MND1: variants seen among roughly 807,000 people sequenced by gnomAD.
The protein encoded by MND1 is meiotic nuclear division protein 1 homolog.
Under a neutral mutation model 35.1 loss-of-function variants are expected in MND1, and 28 were observed. That is an observed-to-expected ratio of 0.80 (90% CI 0.59 to 1.09). The LOEUF (loss-of-function observed/expected upper bound fraction) is 1.09, where lower values mean the gene tolerates loss of function less well. MND1 is among the 50% of genes least tolerant of loss of function. The pLI is 0.00. For synonymous variants in MND1, 69 were observed against 70.5 expected (o/e 0.98, Z 0.11); for missense variants, 213 against 239.6 (o/e 0.89, Z 0.73).
At chr4:153,379,013 G>A (rs1223337225) in intron 4 of MND1, among the ~76,000 whole-genome samples, 1 of 152,056 alleles carries the variant, frequency 6.6e-6, no homozygotes, top group South Asian at 2.1e-4. Context: ...AGCGGGCTGC[G>A]CGCGGTGACT....
At chr4:153,399,008 C>T (rs1296758587) in intron 6 of MND1, among the ~76,000 whole-genome samples, 1 of 152,192 alleles carries the variant, frequency 6.6e-6, no homozygotes, top group African/African-American at 2.4e-5. Flanking sequence ...GCACAGTTTT[C>T]TTAACTAGGT....
chr4:153,392,296 G>A (rs138504539), intron 4 of MND1, among the ~76,000 whole-genome samples: 2,676 of 151,968 alleles, frequency 0.018, 60 homozygotes, highest in East Asian at 0.091. Flanking sequence ...CAGTAGAGAC[G>A]GGGTTTCACC....
intron 6 of MND1, 85 bp downstream of exon 6, chr4:153,397,418 A>G (rs1729228608): frequency 1.1e-6 from 1 of 899,310 alleles, no homozygotes; most frequent in South Asian, 1.8e-5. Flanking sequence ...ACTATTCTCC[A>G]TGTATATGAG....
intron 4 of MND1, among the ~76,000 whole-genome samples, chr4:153,389,504 G>A (rs1728961697): frequency 6.6e-6 from 1 of 152,212 alleles, no homozygotes; most frequent in African/African-American, 2.4e-5. Flanking sequence ...GGGATTACAG[G>A]CGTATGCCAC....
At chr4:153,393,069 TG>T (rs1351648474) in intron 4 of MND1, among the ~76,000 whole-genome samples, 12 of 152,000 alleles carry the variant, frequency 7.9e-5, no homozygotes, top group African/African-American at 2.9e-4. Flanking sequence ...TAGGGAGTCA[TG>T]ATCGTGACAC....
intron 4 of MND1, among the ~76,000 whole-genome samples, chr4:153,379,184 G>T (rs1268023041): frequency 1.3e-5 from 2 of 151,464 alleles, no homozygotes; most frequent in Non-Finnish European, 2.9e-5. Context: ...TAGCTACTCG[G>T]AAGGCTGAGG....
At position 153,370,052 on chromosome 4, in the gene MND1, C is replaced by T. The variant is rs540203815; in HGVS notation, c.276+11430C>T. Reference sequence around the variant, plus strand: ...ATCCCAGCACTTCGGGAGGCTGAGGCAGGCGGATCACTTGAGGATAGGAGT... The same window carrying T: ...ATCCCAGCACTTCGGGAGGCTGAGGTAGGCGGATCACTTGAGGATAGGAGT... On this transcript the variant is annotated intron_variant, in intron 4 of 7. Coordinates refer to ENST00000240488, the MANE Select transcript of MND1 (RefSeq NM_032117.4). 1.1e-4 allele frequency among the ~76,000 whole-genome samples: 16 copies of T among 152,112 alleles called. No homozygotes were observed. In the South Asian group the frequency reaches 3.1e-3, roughly 30 times the overall value.
chr4:153,397,360 C>T, intron 6 of MND1, 27 bp downstream of exon 6: 2 of 1,513,262 alleles, frequency 1.3e-6, no homozygotes, highest in Non-Finnish European at 1.8e-6. Context: ...CCTTAGGGAT[C>T]TTTAACTTTG....
In MND1 at chr4:153,365,573, G is replaced by T. The variant is rs547789013; in HGVS notation, c.276+6951G>T. ...TATTTTTTATTTAAGAAAAAGGAAA[G>T]AGAAGGCCTCAGAAAAGAGAGGATC... is the stretch of plus-strand genomic sequence containing the variant. On this transcript the variant is annotated intron_variant, in intron 4 of 7. Coordinates refer to ENST00000240488, the MANE Select transcript of MND1 (RefSeq NM_032117.4). Among the ~76,000 whole-genome samples, 241 of 152,120 alleles carry T rather than the reference G, an allele frequency of 1.6e-3. 2 individuals carry two copies. Among genetic ancestry groups the T allele is most frequent in the Admixed American group, 4.9e-3 (75 of 15,284 alleles).
chr4:153,353,582 C>T (rs968710366), intron 2 of MND1, among the ~76,000 whole-genome samples: 1 of 150,426 alleles, frequency 6.6e-6, no homozygotes, highest in Admixed American at 6.6e-5. Flanking sequence ...TGGTATTTGT[C>T]GTTTCATTTT....
At chr4:153,370,257 G>A (rs939961609) in intron 4 of MND1, among the ~76,000 whole-genome samples, 1 of 151,924 alleles carries the variant, frequency 6.6e-6, no homozygotes, top group South Asian at 2.1e-4. Flanking sequence ...GCTCCAGCCT[G>A]GGTAACACAG....
chr4:153,365,874 T>C (rs911501034), intron 4 of MND1, among the ~76,000 whole-genome samples: 3 of 152,244 alleles, frequency 2.0e-5, no homozygotes, highest in African/African-American at 7.2e-5. Flanking sequence ...ATGGAATGGA[T>C]GTAGAGTGTG....
chr4:153,358,744 A>G (rs537545574), intron 4 of MND1, 122 bp downstream of exon 4: 73 of 888,802 alleles, frequency 8.2e-5, no homozygotes, highest in Non-Finnish European at 1.1e-4. Flanking sequence ...CTGAAAGTCT[A>G]AAGATAATTA....
intron 4 of MND1, 131 bp from the exon 5 acceptor site, chr4:153,394,131 T>C: frequency 1.6e-6 from 1 of 643,680 alleles, no homozygotes; most frequent in Non-Finnish European, 2.7e-6. Flanking sequence ...CTCTTGACCT[T>C]GTGATCTGCC....
At chr4:153,345,631 A>G in intron 1 of MND1, 1 of 773,366 alleles carries the variant, frequency 1.3e-6, no homozygotes, top group South Asian at 5.9e-5. Flanking sequence ...AAATGGATCT[A>G]AGATTTTAAT....
At chr4:153,352,801 C>T (rs1398765653) in intron 2 of MND1, among the ~76,000 whole-genome samples, 1 of 151,048 alleles carries the variant, frequency 6.6e-6, no homozygotes, top group South Asian at 2.1e-4. Flanking sequence ...ATATGTCTTC[C>T]ATGGTACCTT....
rs534531239 is a variant in MND1, at chr4:153,355,668, A to G, written c.84A>G (p.Gln28=). 7.6e-6 allele frequency: 12 copies of G among 1,583,680 alleles called. No individual in the cohort carries two copies. Among genetic ancestry groups the G allele is most frequent in the East Asian group, 4.5e-5 (2 of 44,548 alleles). ...CCTTTAAACAGAAAGATGTATTTCA[A>G]TTAAAAGACTTGGAGAAGATTGCTC... ...EIFSETKDVF[Q]LKDLEKIAPK... Residue 28 remains glutamine, a synonymous_variant, in exon 3 of 8, where the codon CAA becomes CAG. Coordinates refer to ENST00000240488, the MANE Select transcript of MND1 (RefSeq NM_032117.4).
At chr4:153,377,380 T>A (rs1728539790) in intron 4 of MND1, among the ~76,000 whole-genome samples, 1 of 152,218 alleles carries the variant, frequency 6.6e-6, no homozygotes, top group South Asian at 2.1e-4. Flanking sequence ...ATTATTGGGC[T>A]GTGTAGATAA....
intron 4 of MND1, among the ~76,000 whole-genome samples, chr4:153,393,180 TTTC>T (rs1429244241): frequency 6.6e-6 from 1 of 152,110 alleles, no homozygotes; most frequent in Non-Finnish European, 1.5e-5. Context: ...CTAACATTTT[TTTC>T]TTCTTTGAGA....
Sources: allele counts gnomAD v4.1 joint callset (sites outside exome capture counted in the v4.1 genomes callset), GRCh38; gene constraint gnomAD v4.1.1; transcripts MANE v1.5; gene names NCBI Gene and HGNC (gene_info 2026-07-23, HGNC 2026-07-21).